Variants in LIPA observed in about 807,000 individuals in gnomAD.
The protein encoded by LIPA is lysosomal acid lipase/cholesteryl ester hydrolase.
A neutral mutation model predicts 40.6 loss-of-function variants in LIPA; 26 were observed. The ratio of observed to expected loss-of-function variants is 0.64; its 90% CI spans 0.47 to 0.89. LIPA has a LOEUF of 0.89. Ranked by LOEUF, LIPA falls within the 40% of genes least tolerant of loss-of-function variation. LIPA has a pLI of 0.00. For synonymous variants in LIPA, 188 were observed against 168.4 expected (o/e 1.12, Z -0.90); for missense variants, 455 against 479.6 (o/e 0.95, Z 0.48).
intron 1 of LIPA, among the ~76,000 whole-genome samples, chr10:89,259,874 G>A (rs996636319): frequency 6.6e-6 from 1 of 152,110 alleles, no homozygotes; most frequent in African/African-American, 2.4e-5. Flanking sequence ...TCCTGGAGAG[G>A]GGACATTTTT....
intron 1 of LIPA, among the ~76,000 whole-genome samples, chr10:89,341,545 T>C (rs1048538885): frequency 4.6e-5 from 7 of 152,240 alleles, no homozygotes; most frequent in African/African-American, 1.7e-4. Flanking sequence ...TATAAATGTA[T>C]AAGATGATCA....
At chr10:89,367,708 T>G (rs1050514128) in intron 2 of LIPA, among the ~76,000 whole-genome samples, 1 of 152,210 alleles carries the variant, frequency 6.6e-6, no homozygotes. Context: ...GCACCTATTA[T>G]GTGTGAGAGA....
intron 1 of LIPA, among the ~76,000 whole-genome samples, chr10:89,274,708 A>T (rs1843281369): frequency 6.6e-6 from 1 of 152,188 alleles, no homozygotes; most frequent in Admixed American, 6.5e-5. Context: ...AACAATGACA[A>T]GAGACTAGGG....
At chr10:89,311,524 CA>C (rs36010336) in intron 1 of LIPA, among the ~76,000 whole-genome samples, 5,100 of 73,710 alleles carry the variant, frequency 0.069, 178 homozygotes, top group African/African-American at 0.21. Flanking sequence ...GACCCTGTCT[CA>C]AAAAAAAAAA....
At chr10:89,279,436 A>G (rs1203511912) in intron 1 of LIPA, among the ~76,000 whole-genome samples, 1 of 152,194 alleles carries the variant, frequency 6.6e-6, no homozygotes, top group Non-Finnish European at 1.5e-5. Flanking sequence ...AGAAGCATTC[A>G]GGGATTTGCT....
intron 1 of LIPA, among the ~76,000 whole-genome samples, chr10:89,290,957 G>T (rs1277426983): frequency 6.6e-6 from 1 of 152,066 alleles, no homozygotes; most frequent in Non-Finnish European, 1.5e-5. Flanking sequence ...TGTTACAGTT[G>T]GTTTCATCTT....
At chr10:89,389,053 G>C (rs7074809) in intron 2 of LIPA, among the ~76,000 whole-genome samples, 3,870 of 152,290 alleles carry the variant, frequency 0.025, 112 homozygotes, top group African/African-American at 0.071. Flanking sequence ...ACAGTGGTCA[G>C]AACACTGAGA....
chr10:89,280,801 G>C (rs1015142135), intron 1 of LIPA, among the ~76,000 whole-genome samples: 7 of 152,294 alleles, frequency 4.6e-5, no homozygotes, highest in African/African-American at 1.7e-4. Flanking sequence ...AGCTGCTCCA[G>C]TGTTTTTTAA....
chr10:89,325,432 A>T (rs1032129559), intron 1 of LIPA, among the ~76,000 whole-genome samples: 1 of 152,236 alleles, frequency 6.6e-6, no homozygotes, highest in Non-Finnish European at 1.5e-5. Flanking sequence ...TCATCATAGC[A>T]CTATTCACAA....
intron 1 of LIPA, among the ~76,000 whole-genome samples, chr10:89,295,350 C>CA (rs1312894009): frequency 4.6e-5 from 7 of 151,930 alleles, no homozygotes; most frequent in South Asian, 2.1e-4. Context: ...AGACTCAAAA[C>CA]AAAAAAGAGG....
upstream of LIPA, among the ~76,000 whole-genome samples, chr10:89,252,644 C>T (rs1175042599): frequency 6.6e-6 from 1 of 152,128 alleles, no homozygotes; most frequent in African/African-American, 2.4e-5. Flanking sequence ...CCCATCTCTA[C>T]TAAAAATACA....
intron 2 of LIPA, chr10:89,403,099 A>G: frequency 6.2e-7 from 1 of 1,614,236 alleles, no homozygotes. Flanking sequence ...GAGTTATTAA[A>G]AAAGGCCTTG....
rs112603357 is a variant in LIPA at position 89,232,645 on chromosome 10, T to G, written c.230-4247A>C. 7.9e-5 allele frequency among the ~76,000 whole-genome samples: 12 copies of G among 152,236 alleles called. 1 individual carries two copies. Among genetic ancestry groups the G allele is most frequent in the African/African-American group, 2.9e-4 (12 of 41,544 alleles). The stretch of plus-strand genomic sequence containing the variant: ...TTGAGAGAGGAGAAGGAGGGTGATA[T>G]GTGGCAGCCAGGCCAGGACAGAGGC... On this transcript the variant is annotated intron_variant, in intron 3 of 9. Coordinates refer to ENST00000336233, the MANE Select transcript of LIPA (RefSeq NM_000235.4).
intron 2 of LIPA, among the ~76,000 whole-genome samples, chr10:89,406,917 T>C (rs1841418831): frequency 1.3e-5 from 2 of 152,110 alleles, no homozygotes; most frequent in Non-Finnish European, 2.9e-5. Context: ...TCACTTGCTA[T>C]TCATCCTATT....
At chr10:89,402,282 A>G (rs759099907) in intron 2 of LIPA, 1 of 1,601,536 alleles carries the variant, frequency 6.2e-7, no homozygotes, top group Non-Finnish European at 8.5e-7. Flanking sequence ...TTTTTACAGT[A>G]CAAATGGTGA....
intron 7 of LIPA, among the ~76,000 whole-genome samples, chr10:89,223,189 CG>C (rs1211883749): frequency 2.0e-5 from 3 of 151,850 alleles, no homozygotes; most frequent in Admixed American, 6.6e-5. Context: ...ATTTTAGATT[CG>C]GGGGGTCCAT....
intron 3 of LIPA, among the ~76,000 whole-genome samples, chr10:89,230,779 T>G (rs1463059019): frequency 6.6e-6 from 1 of 152,178 alleles, no homozygotes; most frequent in East Asian, 1.9e-4. Context: ...ATATGAAAAG[T>G]AGGTAGCAAA....
intron 2 of LIPA, among the ~76,000 whole-genome samples, chr10:89,348,444 AC>A (rs767122980): frequency 3.9e-5 from 6 of 152,234 alleles, no homozygotes; most frequent in South Asian, 2.1e-4. Context: ...CACCAAAAAA[AC>A]ATTTTCATGC....
chr10:89,242,529 G>A (rs1842975828), intron 3 of LIPA, among the ~76,000 whole-genome samples: 1 of 152,176 alleles, frequency 6.6e-6, no homozygotes, highest in Non-Finnish European at 1.5e-5. Context: ...GAGCAGAGAA[G>A]CCATGTGGCC....
Sources: allele counts gnomAD v4.1 joint callset (sites outside exome capture counted in the v4.1 genomes callset), GRCh38; gene constraint gnomAD v4.1.1; transcripts MANE v1.5; gene names NCBI Gene and HGNC (gene_info 2026-07-23, HGNC 2026-07-21).